NEK1: variants seen among roughly 807,000 people sequenced by gnomAD.
NEK1 encodes the protein NIMA related kinase 1.
Under a neutral mutation model 182.1 loss-of-function variants are expected in NEK1, and 137 were observed. That is an observed-to-expected ratio of 0.75 (90% CI 0.65 to 0.87). The LOEUF is 0.87. Among genes scored for constraint, NEK1 ranks in the 40% least tolerant of loss-of-function variants. NEK1 has a pLI of 0.00. For synonymous variants in NEK1, 513 were observed against 492.2 expected (o/e 1.04, Z -0.56); for missense variants, 1,391 against 1,494.4 (o/e 0.93, Z 1.14).
At chr4:169,411,765 T>C (rs1308332269) in intron 31 of NEK1, among the ~76,000 whole-genome samples, 2 of 152,254 alleles carry the variant, frequency 1.3e-5, no homozygotes, top group African/African-American at 4.8e-5. Flanking sequence ...AAAAATTCCA[T>C]TGGAAAAATA....
At chr4:169,436,076 A>G (rs1338158431) in intron 28 of NEK1, among the ~76,000 whole-genome samples, 1 of 151,994 alleles carries the variant, frequency 6.6e-6, no homozygotes, top group Non-Finnish European at 1.5e-5. Flanking sequence ...ACTAATTTTC[A>G]TATTTTCAGT....
chr4:169,596,143 C>T (rs1271099415), intron 5 of NEK1, among the ~76,000 whole-genome samples: 1 of 152,014 alleles, frequency 6.6e-6, no homozygotes, highest in Admixed American at 6.6e-5. Context: ...GAGAATGTAT[C>T]GGGCTCAGTT....
chr4:169,601,908 G>C, intron 4 of NEK1, 100 bp downstream of exon 4: 4 of 821,220 alleles, frequency 4.9e-6, no homozygotes, highest in Non-Finnish European at 8.1e-6. Context: ...ATATGCGTAT[G>C]TTTTTAAGCA....
intron 26 of NEK1, among the ~76,000 whole-genome samples, chr4:169,472,565 G>C (rs545533134): frequency 6.6e-6 from 1 of 152,188 alleles, no homozygotes; most frequent in Non-Finnish European, 1.5e-5. Flanking sequence ...CTGCAGACCA[G>C]AGCTGTTCTT....
intron 18 of NEK1, among the ~76,000 whole-genome samples, chr4:169,548,273 C>T (rs912437839): frequency 2.0e-5 from 3 of 152,224 alleles, no homozygotes; most frequent in Admixed American, 2.0e-4. Context: ...AGACTGTGTT[C>T]GCCTGGGTAT....
chr4:169,423,900 T>C (rs1735911839), intron 31 of NEK1, among the ~76,000 whole-genome samples: 1 of 152,184 alleles, frequency 6.6e-6, no homozygotes, highest in African/African-American at 2.4e-5. Context: ...CACAGTATTG[T>C]AATAATGGCA....
chr4:169,422,297 C>T (rs994241855), intron 31 of NEK1, among the ~76,000 whole-genome samples: 3 of 152,004 alleles, frequency 2.0e-5, no homozygotes, highest in Non-Finnish European at 2.9e-5. Flanking sequence ...GAAATGGGGT[C>T]GTAGGTAAAG....
At chr4:169,446,381 A>T (rs1372262764) in intron 27 of NEK1, among the ~76,000 whole-genome samples, 1 of 152,182 alleles carries the variant, frequency 6.6e-6, no homozygotes, top group East Asian at 1.9e-4. Context: ...ACCATGTGAA[A>T]CTATTATGAA....
chr4:169,488,910 C>A (rs1580133576), intron 23 of NEK1, among the ~76,000 whole-genome samples: 1 of 152,014 alleles, frequency 6.6e-6, no homozygotes, highest in South Asian at 2.1e-4. Flanking sequence ...ATTATGGATA[C>A]TATTTTTCTA....
intron 23 of NEK1, among the ~76,000 whole-genome samples, chr4:169,483,231 T>C (rs1250596000): frequency 6.6e-6 from 1 of 152,166 alleles, no homozygotes; most frequent in African/African-American, 2.4e-5. Context: ...CATTCATCAA[T>C]TAAATTTCCC....
At chr4:169,546,779 C>T (rs528924733) in intron 18 of NEK1, among the ~76,000 whole-genome samples, 1 of 152,294 alleles carries the variant, frequency 6.6e-6, no homozygotes, top group South Asian at 2.1e-4. Context: ...TCTGTTTTAT[C>T]AGAGACTAGG....
chr4:169,602,378 T>C lies in NEK1; in HGVS notation c.117+136A>G, dbSNP rs546291944. 4.7e-6 allele frequency: 3 copies of C among 633,294 alleles called. No individual in the cohort carries two copies. In the Admixed American group the frequency reaches 9.5e-5, roughly 20 times the overall value. 39.2% of individuals were successfully genotyped at this position (633,294 alleles called of 1,614,324 possible). On this transcript the variant is annotated intron_variant, in intron 3 of 35. Transcript: ENST00000507142. ...ATCTGAAAGAATATATAGGCTATTC[T>C]GATATTAGCGGGAATAAAGGAGTCT...
intron 27 of NEK1, among the ~76,000 whole-genome samples, chr4:169,442,055 G>A (rs1443840670): frequency 1.3e-5 from 2 of 152,124 alleles, no homozygotes; most frequent in African/African-American, 4.8e-5. Flanking sequence ...GTGCCCATGA[G>A]TGCTGATGAT....
chr4:169,537,934 TCAGC>T lies in NEK1; in HGVS notation c.1563-27_1563-24del, dbSNP rs777150276. The T allele has an allele frequency of 7.3e-6, 11 of 1,510,430 alleles. No homozygotes were observed. The Middle Eastern group carries it at 6.9e-4, about 95-fold the overall frequency. 93.6% of individuals were successfully genotyped at this position (1,510,430 alleles called of 1,614,324 possible). On this transcript the variant is annotated intron_variant, in intron 18 of 35. Coordinates refer to ENST00000507142, the MANE Select transcript of NEK1 (RefSeq NM_001199397.3). ...TGCCTAATTTGGACAAATCACAAAG[TCAGC>T]CATCCTGAACAGAAAATATTCTAAA...
chr4:169,580,934 A>T (rs1766531702), intron 10 of NEK1, 32 bp from the exon 11 acceptor site: 1 of 1,255,282 alleles, frequency 8.0e-7, no homozygotes. Context: ...ATTAGAAAAG[A>T]TGTTACATTT....
rs925324822 is a variant in NEK1 at position 169,496,620 on chromosome 4, T to C, written c.2007+10417A>G. ...TGAGAGTTTTTAGCATGAAGGGCTGTTGAATTTTGTCAAAGGCCTTTTCTG... is the reference window on the plus strand; with the variant it reads ...TGAGAGTTTTTAGCATGAAGGGCTGCTGAATTTTGTCAAAGGCCTTTTCTG... On this transcript the variant is annotated intron_variant, in intron 23 of 35. Transcript: ENST00000507142. Among the ~76,000 whole-genome samples the C allele has an allele frequency of 6.5e-4, 96 of 148,746 alleles. 2 individuals are homozygous for C. The highest frequency in any genetic ancestry group is 1.2e-3 in the Non-Finnish European group (79 of 67,928).
At position 169,416,862 on chromosome 4, in the gene NEK1, A is replaced by C. The variant is rs1405733400; in HGVS notation, c.3222+7691T>G. Reference sequence around the variant, plus strand: ...TGAGGCTGCAGTGAGCCGTGATTGCACCACTGCACTCCATTCTGGGAGACA... The same window carrying C: ...TGAGGCTGCAGTGAGCCGTGATTGCCCCACTGCACTCCATTCTGGGAGACA... On this transcript the variant is annotated intron_variant, in intron 31 of 35. Transcript: ENST00000507142. 2.0e-5 allele frequency among the ~76,000 whole-genome samples: 3 copies of C among 152,310 alleles called. No homozygotes were observed. The South Asian group carries it at 6.2e-4, about 32-fold the overall frequency.
At chr4:169,552,205 C>T (rs932217579) in intron 18 of NEK1, among the ~76,000 whole-genome samples, 3 of 151,950 alleles carry the variant, frequency 2.0e-5, no homozygotes, top group Non-Finnish European at 4.4e-5. Flanking sequence ...AAATCATTTC[C>T]TTATAAGTGA....
At chr4:169,525,565 T>C (rs1303610651) in intron 19 of NEK1, among the ~76,000 whole-genome samples, 1 of 152,172 alleles carries the variant, frequency 6.6e-6, no homozygotes, top group Non-Finnish European at 1.5e-5. Flanking sequence ...CAAATTATTA[T>C]CAACAAGTCA....
Sources: gnomAD v4.1 joint callset for allele counts (sites outside exome capture counted in the v4.1 genomes callset) on GRCh38, gnomAD v4.1.1 for gene constraint, MANE v1.5 for transcripts, NCBI Gene and HGNC (gene_info 2026-07-23, HGNC 2026-07-21) for gene names.